Variants in GRHL2 observed in about 807,000 individuals in gnomAD.
GRHL2 encodes the protein grainyhead like transcription factor 2.
In GRHL2, 21 loss-of-function variants were observed where a neutral mutation model predicts 83.8. The ratio of observed to expected loss-of-function variants is 0.25; its 90% CI spans 0.18 to 0.36. The LOEUF is 0.36. Ranked by LOEUF, GRHL2 falls within the 10% of genes least tolerant of loss-of-function variation. The pLI is 1.00. For missense variants in GRHL2, 623 were observed against 781.8 expected (o/e 0.80, Z 2.42); for synonymous variants, 280 against 278.9 (o/e 1.00, Z -0.04).
At chr8:101,637,010 T>G in intron 12 of GRHL2, 82 bp downstream of exon 12, 1 of 1,269,378 alleles carries the variant, frequency 7.9e-7, no homozygotes, top group East Asian at 2.3e-5. Flanking sequence ...TTGGTAACCC[T>G]AGGCAGGAAG....
intron 4 of GRHL2, among the ~76,000 whole-genome samples, chr8:101,568,817 G>A (rs991185609): frequency 1.3e-5 from 2 of 152,008 alleles, no homozygotes; most frequent in African/African-American, 4.8e-5. Context: ...ACAATTATTT[G>A]GGCAATGTTC....
In GRHL2 at chr8:101,492,574, C is replaced by T; in HGVS notation, c.-196C>T. The T allele has an allele frequency of 1.5e-6, 1 of 682,720 alleles. No individual in the cohort carries two copies. Among genetic ancestry groups the T allele is most frequent in the Non-Finnish European group, 2.7e-6 (1 of 369,730 alleles). 42.3% of individuals were successfully genotyped at this position (682,720 alleles called of 1,614,324 possible). On this transcript the variant is annotated 5_prime_UTR_variant, in exon 1 of 16. Coordinates refer to ENST00000646743, the MANE Select transcript of GRHL2 (RefSeq NM_024915.4). ...ATGTGAGGGGCCCCCCCTTATCCCACCTTTCCGGCTAGGTGAGGGCGCGAG... is the reference window on the plus strand; with the variant it reads ...ATGTGAGGGGCCCCCCCTTATCCCATCTTTCCGGCTAGGTGAGGGCGCGAG...
intron 12 of GRHL2, among the ~76,000 whole-genome samples, chr8:101,637,638 G>T (rs968991941): frequency 3.3e-4 from 50 of 152,184 alleles, no homozygotes; most frequent in African/African-American, 1.2e-3. Context: ...GTAGATCATG[G>T]TAATAGCTAT....
chr8:101,675,668 C>A, the GRHL2 span, among the ~76,000 whole-genome samples: 1 of 152,292 alleles, frequency 6.6e-6, no homozygotes, highest in African/African-American at 2.4e-5. Context: ...CCATCCCCAA[C>A]AAGCTACCAA....
At chr8:101,604,792 C>G (rs903399968) in intron 8 of GRHL2, among the ~76,000 whole-genome samples, 8 of 152,286 alleles carry the variant, frequency 5.3e-5, no homozygotes, top group Middle Eastern at 3.4e-3. Flanking sequence ...ACTAATCATG[C>G]TGACAGATAA....
At chr8:101,549,300 A>C (rs1811330648) in intron 2 of GRHL2, among the ~76,000 whole-genome samples, 1 of 152,108 alleles carries the variant, frequency 6.6e-6, no homozygotes, top group Non-Finnish European at 1.5e-5. Context: ...ATTTGAGACT[A>C]CCTACCTGAG....
At chr8:101,675,808 TATACTAC>T in the GRHL2 span, among the ~76,000 whole-genome samples, 1 of 152,104 alleles carries the variant, frequency 6.6e-6, no homozygotes, top group Non-Finnish European at 1.5e-5. Context: ...GACTTCAAAC[TATACTAC>T]AAGGCTACAG....
Position 101,631,701 on chromosome 8 carries a change from C to T in GRHL2, c.1322C>T (p.Ala441Val). 1 of 1,613,576 alleles carries T rather than the reference C, an allele frequency of 6.2e-7. No homozygotes were observed. The highest frequency in any genetic ancestry group is 8.5e-7 in the Non-Finnish European group (1 of 1,179,610). ...KQNRKKGKGQ[A>V]SQTQCNSSSD... is the part of the protein sequence containing the mutation. ...AACAGGAAGAAAGGGAAAGGCCAGGCCTCCCAAACTCAATGCAACAGCTGT... is the reference window on the plus strand; with the variant it reads ...AACAGGAAGAAAGGGAAAGGCCAGGTCTCCCAAACTCAATGCAACAGCTGT... The change falls in exon 10 of 16, where the codon GCC becomes GTC. Residue 441 changes from alanine (A) to valine (V), a missense_variant. Around this residue, in one of 8 missense-constraint regions of GRHL2, gnomAD observed 210 missense variants for 254.8 expected, o/e 0.82. Transcript: ENST00000646743.
At chr8:101,547,197 T>C (rs983771490) in intron 2 of GRHL2, among the ~76,000 whole-genome samples, 1 of 151,464 alleles carries the variant, frequency 6.6e-6, no homozygotes, top group Non-Finnish European at 1.5e-5. Context: ...GACCTTTTTC[T>C]GTAGTCAAGT....
intron 3 of GRHL2, among the ~76,000 whole-genome samples, chr8:101,553,721 A>G (rs1029469896): frequency 1.0e-4 from 15 of 143,014 alleles, no homozygotes. Context: ...TCCGCCTCCC[A>G]GGTTCAAGCT....
At chr8:101,579,908 G>T (rs187538205) in intron 7 of GRHL2, among the ~76,000 whole-genome samples, 3 of 152,202 alleles carry the variant, frequency 2.0e-5, no homozygotes, top group Non-Finnish European at 4.4e-5. Flanking sequence ...CAGAGAGTGC[G>T]TGGGCCGTAC....
chr8:101,647,238 G>A (rs1249299118), intron 13 of GRHL2, among the ~76,000 whole-genome samples: 1 of 152,190 alleles, frequency 6.6e-6, no homozygotes, highest in Non-Finnish European at 1.5e-5. Context: ...GATGGCACAT[G>A]CCTGTAATCT....
intron 7 of GRHL2, among the ~76,000 whole-genome samples, chr8:101,581,899 A>G (rs1425522689): frequency 1.3e-5 from 2 of 152,208 alleles, no homozygotes; most frequent in African/African-American, 4.8e-5. Context: ...GGGTGCTGCA[A>G]GTTGTGCAAT....
chr8:101,573,687 C>A lies in GRHL2; in HGVS notation c.754C>A (p.Leu252Met), dbSNP rs746527351. Residue 252 changes from leucine (L) to methionine (M), a missense_variant, in exon 6 of 16, where the codon CTG (leucine) becomes ATG (methionine). Leu to Met is a conservative substitution (Grantham distance 15). This residue lies in a region of GRHL2 where 239 missense variants were observed against 240.5 expected (regional missense o/e 0.99). Coordinates refer to ENST00000646743, the MANE Select transcript of GRHL2 (RefSeq NM_024915.4). ...QTSSGTFQYT[L>M]EATKSLRQKQ... is the part of the protein sequence containing the mutation. ...TCACAGTGGCACATTTCAGTACACC[C>A]TGGAAGCCACCAAATCTCTCCGTCA... The A allele has an allele frequency of 6.2e-7, 1 of 1,614,098 alleles. No homozygotes were observed. Among genetic ancestry groups the A allele is most frequent in the Non-Finnish European group, 8.5e-7 (1 of 1,180,040 alleles).
chr8:101,641,768 C>T (rs1563621365), intron 12 of GRHL2, among the ~76,000 whole-genome samples: 2 of 152,154 alleles, frequency 1.3e-5, no homozygotes, highest in Non-Finnish European at 2.9e-5. Flanking sequence ...ATTTATCCCT[C>T]AGTATCTGTG....
intron 8 of GRHL2, among the ~76,000 whole-genome samples, chr8:101,618,743 G>A (rs1414244726): frequency 2.6e-5 from 4 of 151,936 alleles, no homozygotes; most frequent in African/African-American, 9.7e-5. Context: ...ATAATAAGTG[G>A]TCTCAAATTG....
At chr8:101,504,038 G>A (rs1264274563) in intron 1 of GRHL2, among the ~76,000 whole-genome samples, 1 of 152,066 alleles carries the variant, frequency 6.6e-6, no homozygotes, top group African/African-American at 2.4e-5. Flanking sequence ...AAAAATTAAA[G>A]GTTGTATATA....
intron 8 of GRHL2, among the ~76,000 whole-genome samples, chr8:101,605,073 G>C (rs1225530786): frequency 6.6e-6 from 1 of 152,166 alleles, no homozygotes; most frequent in African/African-American, 2.4e-5. Context: ...CTGCATTTTG[G>C]GATTAGGGAG....
At chr8:101,649,627 A>G in intron 14 of GRHL2, 128 bp downstream of exon 14, 1 of 733,962 alleles carries the variant, frequency 1.4e-6, no homozygotes, top group East Asian at 2.7e-5. Context: ...GAAAAACCTA[A>G]GATTTGTGGA....
Sources: gnomAD v4.1 joint callset for allele counts (sites outside exome capture counted in the v4.1 genomes callset) on GRCh38, gnomAD v4.1.1 for gene constraint, gnomAD v4.1.1 regional missense constraint, MANE v1.5 for transcripts, NCBI Gene and HGNC (gene_info 2026-07-23, HGNC 2026-07-21) for gene names.